The following ANKRD31 variants were observed in gnomAD, a reference collection of about 807,000 sequenced individuals.
ANKRD31 encodes the protein ankyrin repeat domain 31, also known as ankyrin repeat domain-containing protein 31.
In ANKRD31, 147 loss-of-function variants were observed where a neutral mutation model predicts 186.0. The observed-to-expected ratio is 0.79, with a 90% CI of 0.69 to 0.91. The LOEUF (loss-of-function observed/expected upper bound fraction) is 0.91, where lower values mean the gene tolerates loss of function less well. Among genes scored for constraint, ANKRD31 ranks in the 40% least tolerant of loss-of-function variants. ANKRD31 has a pLI of 0.00. For synonymous variants in ANKRD31, 673 were observed against 736.4 expected (o/e 0.91, Z 1.39); for missense variants, 1,986 against 2,148.8 (o/e 0.92, Z 1.50).
intron 10 of ANKRD31, among the ~76,000 whole-genome samples, chr5:75,178,455 C>T (rs1280446331): frequency 6.6e-6 from 1 of 152,110 alleles, no homozygotes; most frequent in Non-Finnish European, 1.5e-5. Flanking sequence ...CACACCACAC[C>T]TATTCCAAAA....
chr5:75,098,338 G>T (rs575047196), intron 22 of ANKRD31, among the ~76,000 whole-genome samples: 1 of 152,198 alleles, frequency 6.6e-6, no homozygotes, highest in South Asian at 2.1e-4. Context: ...CTGTAGCCTT[G>T]TAGTATACTT....
At chr5:75,151,925 A>G (rs1008477434) in intron 12 of ANKRD31, among the ~76,000 whole-genome samples, 1 of 151,996 alleles carries the variant, frequency 6.6e-6, no homozygotes, top group African/African-American at 2.4e-5. Context: ...TTCATCTTGT[A>G]TTATCAGGCT....
intron 25 of ANKRD31, among the ~76,000 whole-genome samples, chr5:75,075,720 G>T (rs1715609701): frequency 6.6e-6 from 1 of 152,144 alleles, no homozygotes; most frequent in Non-Finnish European, 1.5e-5. Context: ...CACCTAAAAA[G>T]ACTGAAAGCT....
At chr5:75,224,714 T>C (rs1757533222) in intron 2 of ANKRD31, among the ~76,000 whole-genome samples, 1 of 152,146 alleles carries the variant, frequency 6.6e-6, no homozygotes, top group South Asian at 2.1e-4. Flanking sequence ...TGTATCTTTA[T>C]GGTTTTGAGG....
chr5:75,181,628 G>C (rs9293649), intron 10 of ANKRD31, among the ~76,000 whole-genome samples: 2 of 150,124 alleles, frequency 1.3e-5, no homozygotes, highest in Admixed American at 1.3e-4. Context: ...GCAAACTATC[G>C]CAAGGACAAA....
intron 17 of ANKRD31, among the ~76,000 whole-genome samples, chr5:75,136,252 A>C (rs1750565992): frequency 1.3e-5 from 2 of 152,190 alleles, no homozygotes; most frequent in African/African-American, 4.8e-5. Flanking sequence ...GAAAACTTTT[A>C]GAATCTACCC....
chr5:75,180,271 G>A (rs1285797301), intron 10 of ANKRD31, among the ~76,000 whole-genome samples: 1 of 152,138 alleles, frequency 6.6e-6, no homozygotes, highest in Admixed American at 6.6e-5. Context: ...ATGCTCATGG[G>A]TAGGAAGAAT....
intron 23 of ANKRD31, 56 bp from the exon 24 acceptor site, chr5:75,084,430 C>T (rs1745327044): frequency 8.3e-7 from 1 of 1,202,388 alleles, no homozygotes; most frequent in Non-Finnish European, 1.2e-6. Context: ...GAAGGAAATA[C>T]ACCTATGTCC....
In ANKRD31 at chr5:75,187,273, T is replaced by C. The variant is rs1344266404; in HGVS notation, c.1564+1220A>G. Among the ~76,000 whole-genome samples, 4 of 151,914 alleles carry C rather than the reference T, an allele frequency of 2.6e-5. No homozygotes were observed. The East Asian group carries it at 5.8e-4, about 22-fold the overall frequency. ...GGGATGTGGTAGCCAGAAATAAAGATAGAGCTAAGATGCAAAGTAAGAAGG... is the reference window on the plus strand; with the variant it reads ...GGGATGTGGTAGCCAGAAATAAAGACAGAGCTAAGATGCAAAGTAAGAAGG... On this transcript the variant is annotated intron_variant, in intron 10 of 25. Coordinates refer to ENST00000506364, the MANE Select transcript of ANKRD31 (RefSeq NM_001372053.1).
At chr5:75,232,663 C>T (rs373089140) in intron 1 of ANKRD31, among the ~76,000 whole-genome samples, 6 of 151,804 alleles carry the variant, frequency 4.0e-5, no homozygotes, top group African/African-American at 1.2e-4. Context: ...AGTAGTTACA[C>T]AATTATGTTT....
intron 15 of ANKRD31, among the ~76,000 whole-genome samples, chr5:75,142,054 T>C (rs1751089914): frequency 6.6e-6 from 1 of 152,150 alleles, no homozygotes; most frequent in Non-Finnish European, 1.5e-5. Context: ...AACTCCACTG[T>C]AGTTTGGAAT....
chr5:75,190,088 C>T (rs539153520), intron 9 of ANKRD31, among the ~76,000 whole-genome samples: 3 of 151,760 alleles, frequency 2.0e-5, no homozygotes, highest in South Asian at 2.1e-4. Flanking sequence ...GGTGCAATCA[C>T]GGCTCATTGC....
intron 17 of ANKRD31, among the ~76,000 whole-genome samples, chr5:75,134,123 A>G (rs554651867): frequency 1.7e-4 from 26 of 152,184 alleles, no homozygotes; most frequent in African/African-American, 5.5e-4. Context: ...GCAAGAGCAA[A>G]CACATTCAAA....
intron 12 of ANKRD31, among the ~76,000 whole-genome samples, chr5:75,150,756 T>C (rs959464738): frequency 6.6e-6 from 1 of 152,020 alleles, no homozygotes; most frequent in Non-Finnish European, 1.5e-5. Flanking sequence ...ATGCATGTTG[T>C]AATTATTTAA....
chr5:75,192,551 T>C (rs916802008), intron 9 of ANKRD31, 116 bp downstream of exon 9: 4 of 799,120 alleles, frequency 5.0e-6, no homozygotes, highest in Admixed American at 5.4e-5. Flanking sequence ...TTAACCTATC[T>C]GAAATTCAGT....
intron 5 of ANKRD31, among the ~76,000 whole-genome samples, 159 bp downstream of exon 5, chr5:75,206,252 T>A (rs1240393782): frequency 0.099 from 199 of 2,020 alleles, 18 homozygotes; most frequent in South Asian, 0.22. Context: ...AAAAAAAATA[T>A]ATATATATAT....
At chr5:75,178,388 T>C (rs1035179491) in intron 10 of ANKRD31, among the ~76,000 whole-genome samples, 6 of 152,130 alleles carry the variant, frequency 3.9e-5, no homozygotes, top group Admixed American at 6.6e-5. Context: ...GCAGACCCAA[T>C]AGACATCTAC....
At chr5:75,196,285 C>A (rs930064756) in intron 6 of ANKRD31, 85 bp from the exon 7 acceptor site, 1 of 1,130,180 alleles carries the variant, frequency 8.8e-7, no homozygotes, top group Non-Finnish European at 1.2e-6. Context: ...TATAGTTTAT[C>A]TTGTTTGTAA....
intron 15 of ANKRD31, among the ~76,000 whole-genome samples, chr5:75,140,176 C>T (rs1455111220): frequency 6.6e-6 from 1 of 150,386 alleles, no homozygotes; most frequent in Non-Finnish European, 1.5e-5. Flanking sequence ...TGCACTCCAG[C>T]CTGGGCAACA....
Sources: allele counts gnomAD v4.1 joint callset (sites outside exome capture counted in the v4.1 genomes callset), GRCh38; gene constraint gnomAD v4.1.1; transcripts MANE v1.5; gene names NCBI Gene and HGNC (gene_info 2026-07-23, HGNC 2026-07-21).